The following PTPRD variants were observed in gnomAD, a reference collection of about 807,000 sequenced individuals.
PTPRD encodes protein tyrosine phosphatase receptor type D, also known as receptor-type tyrosine-protein phosphatase delta.
Under a neutral mutation model 214.5 loss-of-function variants are expected in PTPRD, and 34 were observed. That is an observed-to-expected ratio of 0.16 (90% CI 0.12 to 0.21). The LOEUF is 0.21. Ranked by LOEUF, PTPRD falls within the 10% of genes least tolerant of loss-of-function variation. The pLI, the probability that PTPRD is intolerant of heterozygous loss-of-function variation, is 1.00. For synonymous variants in PTPRD, 1,128 were observed against 845.7 expected, an observed-to-expected ratio of 1.33 and a Z score of -5.79; for missense variants, 2,545 against 2,398.7, an observed-to-expected ratio of 1.06 and a Z score of -1.27.
chr9:8,895,049 C>A (rs558699312), intron 11 of PTPRD, among the ~76,000 whole-genome samples: 2 of 152,188 alleles, frequency 1.3e-5, no homozygotes, highest in Non-Finnish European at 2.9e-5. Context: ...TCACTTTTTA[C>A]TTTGGAAACT....
intron 3 of PTPRD, among the ~76,000 whole-genome samples, chr9:10,271,274 A>G (rs2094402662): frequency 6.6e-6 from 1 of 152,184 alleles, no homozygotes; most frequent in Admixed American, 6.5e-5. Flanking sequence ...TTGGAACAGA[A>G]GACAATCTAT....
At chr9:9,692,822 G>C (rs1004572085) in intron 7 of PTPRD, among the ~76,000 whole-genome samples, 2 of 151,468 alleles carry the variant, frequency 1.3e-5, no homozygotes, top group African/African-American at 4.9e-5. Flanking sequence ...GTGTTTTATA[G>C]TTTTCACTGT....
intron 9 of PTPRD, among the ~76,000 whole-genome samples, chr9:9,353,382 G>T (rs999350218): frequency 6.6e-6 from 1 of 151,868 alleles, no homozygotes; most frequent in Admixed American, 6.6e-5. Context: ...ATAAATCTTA[G>T]AGTTAATCTA....
chr9:9,990,919 G>A (rs2095891084), intron 4 of PTPRD, among the ~76,000 whole-genome samples: 1 of 147,602 alleles, frequency 6.8e-6, no homozygotes. Context: ...ATCTTCTAGG[G>A]AAGATGAGTA....
At chr9:10,212,994 A>G (rs562591256) in intron 3 of PTPRD, among the ~76,000 whole-genome samples, 1 of 152,256 alleles carries the variant, frequency 6.6e-6, no homozygotes, top group Non-Finnish European at 1.5e-5. Context: ...ACCATTTTCT[A>G]ATAGTTACCC....
intron 11 of PTPRD, among the ~76,000 whole-genome samples, chr9:8,778,185 G>A (rs925482556): frequency 2.6e-5 from 4 of 152,090 alleles, no homozygotes; most frequent in Admixed American, 2.0e-4. Context: ...ATTTAAGGCC[G>A]GCGTGATAGC....
At chr9:8,365,479 T>C (rs1213184245) in intron 39 of PTPRD, among the ~76,000 whole-genome samples, 1 of 152,122 alleles carries the variant, frequency 6.6e-6, no homozygotes, top group Non-Finnish European at 1.5e-5. Flanking sequence ...ACCCTGTATT[T>C]TGGGGTCAGC....
chr9:10,057,340 G>A (rs928996418), intron 3 of PTPRD, among the ~76,000 whole-genome samples: 1 of 152,124 alleles, frequency 6.6e-6, no homozygotes, highest in African/African-American at 2.4e-5. Context: ...TTTAATGAAG[G>A]AAATAGTCAC....
chr9:9,821,602 G>T (rs577173660), intron 5 of PTPRD, among the ~76,000 whole-genome samples: 1 of 152,120 alleles, frequency 6.6e-6, no homozygotes, highest in Admixed American at 6.5e-5. Flanking sequence ...CTCTCTTCTT[G>T]TAATGTGTTT....
chr9:8,549,463 G>C (rs1262677587), intron 14 of PTPRD, among the ~76,000 whole-genome samples: 1 of 152,212 alleles, frequency 6.6e-6, no homozygotes. Flanking sequence ...AATTTACAGT[G>C]AGAAGAGTAT....
At chr9:9,886,014 A>G (rs2153749698) in intron 5 of PTPRD, among the ~76,000 whole-genome samples, 1 of 152,194 alleles carries the variant, frequency 6.6e-6, no homozygotes, top group South Asian at 2.1e-4. Flanking sequence ...AGTTAAAATG[A>G]AAAGGATAAA....
At chr9:9,085,052 T>C (rs2099765015) in intron 10 of PTPRD, among the ~76,000 whole-genome samples, 1 of 152,144 alleles carries the variant, frequency 6.6e-6, no homozygotes, top group African/African-American at 2.4e-5. Flanking sequence ...ATATTGATTA[T>C]AATGTATGAT....
At chr9:9,571,314 C>G (rs549234386) in intron 8 of PTPRD, among the ~76,000 whole-genome samples, 96 of 151,462 alleles carry the variant, frequency 6.3e-4, no homozygotes, top group Non-Finnish European at 1.0e-3. Flanking sequence ...GTCTCTCTCT[C>G]TCTTCTCTCT....
At chr9:8,670,535 TCTG>T (rs2154362913) in intron 12 of PTPRD, among the ~76,000 whole-genome samples, 1 of 152,330 alleles carries the variant, frequency 6.6e-6, no homozygotes, top group South Asian at 2.1e-4. Context: ...CAGATGTTAA[TCTG>T]CTTCACAACA....
At chr9:9,179,273 A>G (rs1005337556) in intron 10 of PTPRD, among the ~76,000 whole-genome samples, 7 of 152,158 alleles carry the variant, frequency 4.6e-5, no homozygotes, top group Non-Finnish European at 8.8e-5. Context: ...TGTTATTTAT[A>G]ACAAATTAAA....
chr9:8,731,750 G>T (rs185625384), intron 12 of PTPRD, among the ~76,000 whole-genome samples: 1 of 152,242 alleles, frequency 6.6e-6, no homozygotes, highest in East Asian at 1.9e-4. Flanking sequence ...TAAAAGATAT[G>T]GTTAAATTTT....
chr9:9,467,610 A>AAAAAAAAAT (rs71319223), intron 8 of PTPRD, among the ~76,000 whole-genome samples: 2 of 145,372 alleles, frequency 1.4e-5, no homozygotes, highest in African/African-American at 5.1e-5. Flanking sequence ...AAAAAAAAAA[A>AAAAAAAAAT]GTTGAGCAGA....
At chr9:9,821,914 G>A (rs2050877369) in intron 5 of PTPRD, among the ~76,000 whole-genome samples, 1 of 149,124 alleles carries the variant, frequency 6.7e-6, no homozygotes, top group Non-Finnish European at 1.5e-5. Context: ...CTTGATTTAT[G>A]ACATATATAT....
chr9:9,633,141 A>G (rs10977899), intron 7 of PTPRD, among the ~76,000 whole-genome samples: 29,706 of 151,920 alleles, frequency 0.2, 3,512 homozygotes, highest in African/African-American at 0.34. Context: ...CTAAAAATAC[A>G]AAAATTAAAC....
Sources: allele counts gnomAD v4.1 joint callset (sites outside exome capture counted in the v4.1 genomes callset), GRCh38; gene constraint gnomAD v4.1.1; transcripts MANE v1.5; gene names NCBI Gene and HGNC (gene_info 2026-07-23, HGNC 2026-07-21).